Variants in GALNT6 observed in about 807,000 individuals in gnomAD.
GALNT6 encodes the protein GalNAc transferase 6.
In GALNT6, 51 loss-of-function variants were observed where a neutral mutation model predicts 65.9. That is an observed-to-expected ratio of 0.77 (90% CI 0.62 to 0.98). The LOEUF (loss-of-function observed/expected upper bound fraction) is 0.98. Ranked by LOEUF, GALNT6 falls within the 50% of genes least tolerant of loss-of-function variation. GALNT6 has a pLI of 0.00. For missense variants in GALNT6, 708 were observed against 803.3 expected (o/e 0.88, Z 1.43); for synonymous variants, 323 against 315.1 (o/e 1.02, Z -0.26).
rs142431103 is a variant in GALNT6, at chr12:51,357,399, C to T, written c.1552G>A (p.Gly518Arg). ...QCLDVGENNR[G>R]GKPLIMYSCH... ...GAGTACATGATGAGGGGCTTCCCCC[C>T]GCGGTTGTTCTCACCCACATCCAGG... The change falls in exon 10 of 12, where the codon GGG becomes AGG. Residue 518 changes from glycine to arginine, a missense_variant. Physicochemically the swap from Gly to Arg is moderately radical, Grantham distance 125. Transcript: ENST00000356317. 23 of 1,613,970 alleles carry T rather than the reference C, an allele frequency of 1.4e-5. No homozygotes were observed. The highest frequency in any genetic ancestry group is 5.3e-5 in the African/African-American group (4 of 74,914).
intron 4 of GALNT6, among the ~76,000 whole-genome samples, chr12:51,367,208 G>A (rs1403546773): frequency 6.6e-5 from 10 of 152,142 alleles, no homozygotes; most frequent in Non-Finnish European, 1.2e-4. Flanking sequence ...AGTGAGCCGA[G>A]ATTGCACCAT....
chr12:51,352,298 C>A lies in GALNT6; in HGVS notation c.*2081G>T. The A allele has an allele frequency of 6.6e-6, 1 of 152,490 alleles. No homozygotes were observed. 9.4% of individuals were successfully genotyped at this position (152,490 alleles called of 1,614,324 possible). On this transcript the variant is annotated 3_prime_UTR_variant, in exon 12 of 12. Transcript: ENST00000356317. ...CAACTCTGCACACTCTTCCTGCCGC[C>A]TCAGGCTTTCCAGGACCCTCCCGAG...
intron 8 of GALNT6, among the ~76,000 whole-genome samples, chr12:51,358,595 C>A (rs190334094): frequency 1.3e-5 from 2 of 152,230 alleles, no homozygotes; most frequent in East Asian, 3.9e-4. Context: ...GCCACCACAC[C>A]CAGCCAGTTC....
At chr12:51,369,679 A>T (rs1947226410) in intron 4 of GALNT6, among the ~76,000 whole-genome samples, 1 of 152,142 alleles carries the variant, frequency 6.6e-6, no homozygotes, top group South Asian at 2.1e-4. Flanking sequence ...TGCCCAAAAC[A>T]GGCTCTGAAT....
chr12:51,390,134 A>G (rs1386092348), intron 2 of GALNT6, among the ~76,000 whole-genome samples: 1 of 81,662 alleles, frequency 1.2e-5, no homozygotes, highest in Non-Finnish European at 2.6e-5. Context: ...GAATCAAAGC[A>G]TATTTCTTTC....
At chr12:51,390,961 AC>A (rs1208373977) in intron 1 of GALNT6, 24 bp from the exon 2 acceptor site, 1 of 152,302 alleles carries the variant, frequency 6.6e-6, no homozygotes, top group African/African-American at 2.4e-5. Context: ...GAAGTCGGTG[AC>A]AGTCACAGTC....
intron 4 of GALNT6, among the ~76,000 whole-genome samples, chr12:51,368,766 AT>A (rs1246725751): frequency 6.6e-6 from 1 of 152,020 alleles, no homozygotes; most frequent in Non-Finnish European, 1.5e-5. Flanking sequence ...CATGGCGCTC[AT>A]TTATGAATGG....
Position 51,353,493 on chromosome 12 carries a change from C to A in GALNT6, c.*886G>T, listed in dbSNP as rs1250167222. The A allele has an allele frequency of 6.6e-6, 1 of 151,978 alleles. No homozygotes were observed. Among genetic ancestry groups the A allele is most frequent in the Non-Finnish European group, 1.5e-5 (1 of 68,128 alleles). 9.4% of individuals were successfully genotyped at this position (151,978 alleles called of 1,614,324 possible). On this transcript the variant is annotated 3_prime_UTR_variant, in exon 12 of 12. Coordinates refer to ENST00000356317, the MANE Select transcript of GALNT6 (RefSeq NM_007210.4). ...CGAGTGATTCTCCTGCCTCAGCCTC[C>A]CAAGTAGCTGGGACTGCAGGTGCGT...
chr12:51,376,564 C>T (rs921329756), intron 4 of GALNT6, among the ~76,000 whole-genome samples: 1 of 139,480 alleles, frequency 7.2e-6, no homozygotes, highest in Non-Finnish European at 1.5e-5. Context: ...ACCTGGGAGG[C>T]GGAGGTTGTG....
chr12:51,371,588 ATTC>A (rs1409593869), intron 4 of GALNT6, among the ~76,000 whole-genome samples: 2 of 152,066 alleles, frequency 1.3e-5, no homozygotes, highest in Admixed American at 6.6e-5. Flanking sequence ...ATTGCCCTGC[ATTC>A]TTCTTTTTTT....
chr12:51,380,033 A>G (rs1188780317), intron 2 of GALNT6, 149 bp from the exon 3 acceptor site: 2 of 533,554 alleles, frequency 3.7e-6, no homozygotes, highest in African/African-American at 3.8e-5. Context: ...TCCTTCATCC[A>G]TAAAATGAGG....
Position 51,354,193 on chromosome 12 carries a change from C to G in GALNT6, c.*186G>C. 1.9e-6 allele frequency: 1 copy of G among 521,566 alleles called. No homozygotes were observed. The highest frequency in any genetic ancestry group is 3.3e-6 in the Non-Finnish European group (1 of 299,850). 32.3% of individuals were successfully genotyped at this position (521,566 alleles called of 1,614,324 possible). On this transcript the variant is annotated 3_prime_UTR_variant, in exon 12 of 12. Transcript: ENST00000356317. ...TATATGTCCTAATGGTCTCTTCCAT[C>G]GGTGTGAAGGAAAGAAAATGGGCCC... is the stretch of plus-strand genomic sequence containing the variant.
At chr12:51,382,018 G>C (rs118154992) in intron 2 of GALNT6, among the ~76,000 whole-genome samples, 1 of 152,226 alleles carries the variant, frequency 6.6e-6, no homozygotes, top group Admixed American at 6.5e-5. Context: ...TGTGGCCATC[G>C]TGATCTCAAG....
intron 2 of GALNT6, among the ~76,000 whole-genome samples, chr12:51,381,238 T>C (rs1947661885): frequency 6.6e-6 from 1 of 152,150 alleles, no homozygotes; most frequent in Middle Eastern, 3.2e-3. Flanking sequence ...ATTCTGTCTT[T>C]AAAAATAAAT....
intron 2 of GALNT6, among the ~76,000 whole-genome samples, chr12:51,390,156 C>CTTTCTT (rs1413158644): frequency 1.7e-3 from 198 of 116,266 alleles, no homozygotes; most frequent in Non-Finnish European, 2.3e-3. Flanking sequence ...TTCTTTCTTT[C>CTTTCTT]TTTTTTTTTT....
In GALNT6 at chr12:51,365,550, C is replaced by T. The variant is rs370144553; in HGVS notation, c.694G>A (p.Val232Met). 1.7e-5 allele frequency: 27 copies of T among 1,613,508 alleles called. No individual in the cohort carries two copies. Among genetic ancestry groups the T allele is most frequent in the African/African-American group, 5.3e-5 (4 of 74,916 alleles). ...ACCCTCACCACCTGCAGCTGCTTCACGTACTGCTCCAGCTTCTCCTTTAGG... is the reference window on the plus strand; with the variant it reads ...ACCCTCACCACCTGCAGCTGCTTCATGTACTGCTCCAGCTTCTCCTTTAGG... ...EHLKEKLEQY[V>M]KQLQVVRVVR... Residue 232 changes from valine to methionine, a missense_variant, in exon 5 of 12, where the codon GTG becomes ATG. Val to Met is a conservative substitution (Grantham distance 21). Coordinates refer to ENST00000356317, the MANE Select transcript of GALNT6 (RefSeq NM_007210.4).
intron 4 of GALNT6, among the ~76,000 whole-genome samples, chr12:51,367,951 G>T (rs1358562398): frequency 2.6e-5 from 4 of 152,312 alleles, no homozygotes; most frequent in African/African-American, 9.6e-5. Context: ...GGCAGCAGCA[G>T]GATCCTAGCC....
At chr12:51,375,576 G>C (rs1287064108) in intron 4 of GALNT6, among the ~76,000 whole-genome samples, 2 of 106,208 alleles carry the variant, frequency 1.9e-5, no homozygotes, top group African/African-American at 3.6e-5. Flanking sequence ...TTTTTTTTTT[G>C]AGATGGAGTC....
chr12:51,370,476 G>A (rs1046833704), intron 4 of GALNT6, among the ~76,000 whole-genome samples: 5 of 152,090 alleles, frequency 3.3e-5, no homozygotes, highest in African/African-American at 1.2e-4. Flanking sequence ...TGGAGGTTGC[G>A]GTGAGCCAAG....
Sources: allele counts gnomAD v4.1 joint callset (sites outside exome capture counted in the v4.1 genomes callset), GRCh38; gene constraint gnomAD v4.1.1; transcripts MANE v1.5; gene names NCBI Gene and HGNC (gene_info 2026-07-23, HGNC 2026-07-21).